The following TLK2 variants were observed in gnomAD, a reference collection of about 807,000 sequenced individuals.
The protein encoded by TLK2 is serine/threonine-protein kinase tousled-like 2.
Under a neutral mutation model 117.3 loss-of-function variants are expected in TLK2, and 6 were observed. That is an observed-to-expected ratio of 0.05 (90% CI 0.03 to 0.10). The LOEUF is 0.10. TLK2 is among the 10% of genes least tolerant of loss of function. TLK2 has a pLI of 1.00. For synonymous variants in TLK2, 257 were observed against 316.7 expected (o/e 0.81, Z 2.00); for missense variants, 299 against 901.2 (o/e 0.33, Z 8.56).
At chr17:62,498,390 CTTTT>C (rs34118887) in intron 2 of TLK2, among the ~76,000 whole-genome samples, 2 of 142,836 alleles carry the variant, frequency 1.4e-5, no homozygotes, top group Non-Finnish European at 3.1e-5. Context: ...GAAAGCCCCC[CTTTT>C]TTTTTTTTTT....
intron 7 of TLK2, among the ~76,000 whole-genome samples, chr17:62,538,290 C>T (rs1167770844): frequency 1.3e-5 from 2 of 152,164 alleles, no homozygotes; most frequent in African/African-American, 2.4e-5. Context: ...CCGCCTCAGC[C>T]TCCCAAAGTG....
intron 6 of TLK2, among the ~76,000 whole-genome samples, chr17:62,527,486 T>A (rs2076444903): frequency 6.6e-6 from 1 of 152,012 alleles, no homozygotes; most frequent in African/African-American, 2.4e-5. Flanking sequence ...ACCCCCTCCC[T>A]GCCGCTGTGG....
intron 2 of TLK2, among the ~76,000 whole-genome samples, chr17:62,514,454 A>T (rs143599698): frequency 5.0e-5 from 3 of 60,280 alleles, no homozygotes; most frequent in Non-Finnish European, 1.1e-4. Flanking sequence ...AATAATAATT[A>T]AAAAAAAAAA....
chr17:62,502,255 A>C (rs2074267102), intron 2 of TLK2, among the ~76,000 whole-genome samples: 1 of 152,152 alleles, frequency 6.6e-6, no homozygotes, highest in East Asian at 1.9e-4. Flanking sequence ...ATTAGAATTC[A>C]TTGTAATTCA....
At position 62,481,729 on chromosome 17, in the gene TLK2, C is replaced by A. The variant is rs182323846; in HGVS notation, c.81+523C>A. On this transcript the variant is annotated intron_variant, in intron 2 of 21. Coordinates refer to ENST00000346027, the MANE Select transcript of TLK2 (RefSeq NM_006852.6). ...GGAGCATAATATTAGATTAGGCCCC[C>A]ATTAACGGGCACGTATGAAGTTAAG... Among the ~76,000 whole-genome samples the A allele has an allele frequency of 2.2e-3, 340 of 152,210 alleles. 3 individuals carry two copies. The highest frequency in any genetic ancestry group is 8.1e-3 in the African/African-American group (335 of 41,524).
Position 62,586,245 on chromosome 17 carries a change from T to A in TLK2, c.1460+19T>A, listed in dbSNP as rs545713254. 8 of 1,553,690 alleles carry A rather than the reference T, an allele frequency of 5.1e-6. No individual in the cohort carries two copies. In the South Asian group the frequency reaches 9.0e-5, roughly 17 times the overall value. On this transcript the variant is annotated intron_variant, in intron 16 of 21. Transcript: ENST00000346027. ...ACCACAAGTAAGTGATACTTGAGTG[T>A]CTGACTTTTTAAAATTAAATAATAC...
chr17:62,478,559 C>T (rs1039181656), upstream of TLK2, among the ~76,000 whole-genome samples: 27 of 150,188 alleles, frequency 1.8e-4, no homozygotes, highest in Non-Finnish European at 3.4e-4. Flanking sequence ...GCCGGCGCCG[C>T]CCGTCGCCCG....
intron 2 of TLK2, among the ~76,000 whole-genome samples, chr17:62,519,134 C>T (rs2075850408): frequency 1.3e-5 from 2 of 152,226 alleles, no homozygotes; most frequent in Admixed American, 6.5e-5. Flanking sequence ...ATCCACCCAC[C>T]TTGGCCTCCC....
At chr17:62,541,121 A>G (rs1446515023) in intron 7 of TLK2, among the ~76,000 whole-genome samples, 1 of 152,030 alleles carries the variant, frequency 6.6e-6, no homozygotes, top group Admixed American at 6.6e-5. Context: ...TATTTACCCT[A>G]TTAGAGAGGC....
intron 2 of TLK2, among the ~76,000 whole-genome samples, chr17:62,482,390 A>G (rs753460707): frequency 1.3e-5 from 2 of 151,720 alleles, no homozygotes; most frequent in African/African-American, 4.8e-5. Context: ...GTTTAGTTGG[A>G]AAAATGGGCT....
chr17:62,567,929 C>T (rs1186471097), intron 11 of TLK2, among the ~76,000 whole-genome samples: 2 of 151,820 alleles, frequency 1.3e-5, no homozygotes, highest in African/African-American at 4.8e-5. Context: ...TATTTTTTGG[C>T]CAGTTTAGTA....
chr17:62,589,375 T>C (rs1444589129), intron 16 of TLK2, among the ~76,000 whole-genome samples: 2 of 152,232 alleles, frequency 1.3e-5, no homozygotes, highest in East Asian at 3.8e-4. Context: ...TTGAAAAATC[T>C]AAATATATGT....
intron 13 of TLK2, 108 bp from the exon 14 acceptor site, chr17:62,578,369 C>G: frequency 1.2e-6 from 1 of 808,438 alleles, no homozygotes; most frequent in Non-Finnish European, 2.0e-6. Flanking sequence ...TGCAAAGCAC[C>G]TTCCTTTAGC....
intron 13 of TLK2, among the ~76,000 whole-genome samples, 162 bp from the exon 14 acceptor site, chr17:62,578,315 A>G (rs922022162): frequency 7.2e-5 from 11 of 152,148 alleles, no homozygotes; most frequent in East Asian, 1.9e-4. Context: ...ATTATTTTCT[A>G]TGGGCTCATT....
intron 19 of TLK2, among the ~76,000 whole-genome samples, chr17:62,602,421 C>T (rs894657147): frequency 6.6e-6 from 1 of 152,032 alleles, no homozygotes; most frequent in Non-Finnish European, 1.5e-5. Context: ...TTATATGTGT[C>T]CAGGTATTTG....
At chr17:62,543,306 C>G (rs1166647158) in intron 7 of TLK2, among the ~76,000 whole-genome samples, 4 of 152,176 alleles carry the variant, frequency 2.6e-5, no homozygotes, top group Non-Finnish European at 5.9e-5. Context: ...AATGATGTTG[C>G]TATGAACATT....
At chr17:62,521,672 A>G (rs1598364179) in intron 3 of TLK2, among the ~76,000 whole-genome samples, 1 of 152,300 alleles carries the variant, frequency 6.6e-6, no homozygotes, top group East Asian at 1.9e-4. Context: ...GACATGAGCC[A>G]CAGTGCCTGG....
upstream of TLK2, among the ~76,000 whole-genome samples, chr17:62,473,909 T>C (rs574438991): frequency 1.3e-3 from 201 of 152,140 alleles, 4 homozygotes; most frequent in South Asian, 0.041. Context: ...TTTCTTTTCT[T>C]TTTTTTGAGA....
At chr17:62,541,633 T>C (rs1246930998) in intron 7 of TLK2, among the ~76,000 whole-genome samples, 2 of 152,118 alleles carry the variant, frequency 1.3e-5, no homozygotes, top group Non-Finnish European at 2.9e-5. Context: ...AAGAGAGAGG[T>C]CTCGCTATGT....
Sources: gnomAD v4.1 joint callset for allele counts (sites outside exome capture counted in the v4.1 genomes callset) on GRCh38, gnomAD v4.1.1 for gene constraint, MANE v1.5 for transcripts, NCBI Gene and HGNC (gene_info 2026-07-23, HGNC 2026-07-21) for gene names.